Variants in PCDHA11 observed in about 807,000 individuals in gnomAD.
The protein encoded by PCDHA11 is protocadherin alpha-11.
A neutral mutation model predicts 70.3 loss-of-function variants in PCDHA11; 61 were observed. That is an observed-to-expected ratio of 0.87 (90% confidence interval 0.71 to 1.07). The LOEUF is 1.07. PCDHA11 is among the 50% of genes least tolerant of loss of function. The pLI is 0.00. For synonymous variants in PCDHA11, 633 were observed against 555.1 expected, an observed-to-expected ratio of 1.14 and a Z score of -1.97; for missense variants, 1,324 against 1,237.5, an observed-to-expected ratio of 1.07 and a Z score of -1.05.
rs201652283 is a variant in PCDHA11, at chr5:141,009,916, G to A, written c.2829G>A (p.Thr943=). The A allele has an allele frequency of 4.3e-6, 7 of 1,611,506 alleles. No homozygotes were observed. The highest frequency in any genetic ancestry group is 2.2e-5 in the East Asian group (1 of 44,862). ...TQEKKEKGNS[T]TDNSDQ is the part of the protein sequence containing the mutation. The stretch of plus-strand genomic sequence containing the variant: ...AGAAAAAAGAGAAAGGGAACAGCAC[G>A]ACTGACAACAGTGACCAGTGAGGTC... Residue 943 remains threonine (T), a synonymous_variant, in exon 4 of 4, where the codon ACG becomes ACA. Coordinates refer to ENST00000398640, the MANE Select transcript of PCDHA11 (RefSeq NM_018902.5).
At chr5:140,926,373 G>T (rs1040164585) in intron 1 of PCDHA11, 1 of 152,370 alleles carries the variant, frequency 6.6e-6, no homozygotes, top group African/African-American at 2.4e-5. Flanking sequence ...GGCAGGAAGA[G>T]CCCAGCTGGG....
At position 140,869,205 on chromosome 5, in the gene PCDHA11, C is replaced by T. The variant is rs782278064; in HGVS notation, c.102C>T (p.Ser34=). Reference sequence around the variant, plus strand: ...TGGGGAGCGGCCAGCTCCACTACTCCGTCTCGGAGGAGGCCAAACACGGCA... The same window carrying T: ...TGGGGAGCGGCCAGCTCCACTACTCTGTCTCGGAGGAGGCCAAACACGGCA... The part of the protein sequence containing the change: ...WEVGSGQLHY[S]VSEEAKHGTF... Residue 34 remains serine (S), a synonymous_variant, in exon 1 of 4, where the codon TCC becomes TCT. Transcript: ENST00000398640. 6.2e-7 allele frequency: 1 copy of T among 1,613,994 alleles called. No homozygotes were observed. The highest frequency in any genetic ancestry group is 8.5e-7 in the Non-Finnish European group (1 of 1,179,948).
intron 3 of PCDHA11, among the ~76,000 whole-genome samples, chr5:140,982,945 G>A (rs2097017253): frequency 6.6e-6 from 1 of 151,722 alleles, no homozygotes; most frequent in Non-Finnish European, 1.5e-5. Flanking sequence ...TTTGGTTGAA[G>A]ACTATGGAAA....
chr5:140,893,689 A>T (rs999117899), intron 1 of PCDHA11, among the ~76,000 whole-genome samples: 1 of 152,192 alleles, frequency 6.6e-6, no homozygotes, highest in Admixed American at 6.5e-5. Flanking sequence ...ATATCATCTC[A>T]TTCTATCCTA....
At chr5:140,895,653 A>G (rs1247218282) in intron 1 of PCDHA11, among the ~76,000 whole-genome samples, 1 of 152,150 alleles carries the variant, frequency 6.6e-6, no homozygotes, top group Non-Finnish European at 1.5e-5. Flanking sequence ...GCTCCCACTT[A>G]TAAGTGAGAA....
intron 1 of PCDHA11, chr5:140,927,089 T>G: frequency 6.2e-7 from 1 of 1,612,460 alleles, no homozygotes; most frequent in Non-Finnish European, 8.5e-7. Flanking sequence ...GAGCTCTACT[T>G]CGGGGTGGAT....
chr5:140,921,716 A>C (rs1554200396), intron 1 of PCDHA11, among the ~76,000 whole-genome samples: 1 of 152,202 alleles, frequency 6.6e-6, no homozygotes, highest in Non-Finnish European at 1.5e-5. Context: ...TAAACACACG[A>C]ATTACTCCCA....
intron 3 of PCDHA11, among the ~76,000 whole-genome samples, chr5:141,005,129 C>T (rs1554259896): frequency 6.6e-6 from 1 of 152,180 alleles, no homozygotes; most frequent in African/African-American, 2.4e-5. Context: ...CCAAAAGTGC[C>T]TCATTGGAGA....
At chr5:140,926,749 G>C (rs541261946) in intron 1 of PCDHA11, 4 of 1,237,260 alleles carry the variant, frequency 3.2e-6, no homozygotes, top group Non-Finnish European at 3.1e-6. Context: ...CAACGTCGGC[G>C]GTCGCTGAGT....
At chr5:140,942,311 G>A (rs781987580) in intron 1 of PCDHA11, among the ~76,000 whole-genome samples, 1 of 152,004 alleles carries the variant, frequency 6.6e-6, no homozygotes, top group Non-Finnish European at 1.5e-5. Flanking sequence ...TTGGGAGGTC[G>A]AGGCACAAGA....
intron 1 of PCDHA11, among the ~76,000 whole-genome samples, chr5:140,899,982 A>T (rs185115696): frequency 3.3e-4 from 49 of 150,716 alleles, no homozygotes; most frequent in African/African-American, 1.1e-3. Flanking sequence ...TACTTTTTTG[A>T]TTTTTTTTGT....
At position 140,928,315 on chromosome 5, in the gene PCDHA11, G is replaced by A. The variant is rs535660713; in HGVS notation, c.2392-50634G>A. On this transcript the variant is annotated intron_variant, in intron 1 of 3. Coordinates refer to ENST00000398640, the MANE Select transcript of PCDHA11 (RefSeq NM_018902.5). ...AGTGTTTGCCCAGGACCCCGACCTG[G>A]GGAAGAATGGCCTTGTCTCTTATGA... The A allele has an allele frequency of 1.3e-4, 210 of 1,614,054 alleles. No homozygotes were observed. Among genetic ancestry groups the A allele is most frequent in the Non-Finnish European group, 1.7e-4 (203 of 1,180,048 alleles).
At chr5:140,927,158 C>G in intron 1 of PCDHA11, 1 of 1,614,166 alleles carries the variant, frequency 6.2e-7, no homozygotes, top group Non-Finnish European at 8.5e-7. Context: ...CTGTGCAGGG[C>G]CAAAGCTGCC....
At chr5:140,883,528 C>T in intron 1 of PCDHA11, 1 of 1,614,248 alleles carries the variant, frequency 6.2e-7, no homozygotes, top group South Asian at 1.1e-5. Flanking sequence ...GCGTATCAGC[C>T]TATGAACTGG....
At chr5:140,985,086 T>C (rs564487119) in intron 3 of PCDHA11, among the ~76,000 whole-genome samples, 1 of 152,000 alleles carries the variant, frequency 6.6e-6, no homozygotes, top group Non-Finnish European at 1.5e-5. Context: ...TACAGGCGTG[T>C]GCCACCAAGC....
rs552289184 is a variant in PCDHA11, at chr5:140,942,884, T to C, written c.2392-36065T>C. 7.9e-5 allele frequency among the ~76,000 whole-genome samples: 12 copies of C among 152,178 alleles called. No individual in the cohort carries two copies. In the East Asian group the frequency reaches 2.3e-3, roughly 29 times the overall value. ...TGCTTTAGCATGACAACTTTTTTCC[T>C]AAAATTTATCTCTAAGAATAAGCGT... On this transcript the variant is annotated intron_variant, in intron 1 of 3. Transcript: ENST00000398640.
intron 1 of PCDHA11, among the ~76,000 whole-genome samples, chr5:140,936,386 A>C (rs1321919652): frequency 6.6e-6 from 1 of 152,190 alleles, no homozygotes; most frequent in African/African-American, 2.4e-5. Context: ...GTGGCTAGTG[A>C]AACTGGGCTA....
intron 3 of PCDHA11, among the ~76,000 whole-genome samples, chr5:141,008,739 C>A (rs1554261919): frequency 1.3e-5 from 2 of 152,166 alleles, no homozygotes; most frequent in Non-Finnish European, 2.9e-5. Context: ...AGACTGTGAG[C>A]ACACTGAGGG....
At chr5:140,909,747 G>T (rs1554193902) in intron 1 of PCDHA11, among the ~76,000 whole-genome samples, 1 of 152,146 alleles carries the variant, frequency 6.6e-6, no homozygotes, top group East Asian at 1.9e-4. Context: ...CTGGGGAAAT[G>T]ACCACAGGAT....
Sources: allele counts gnomAD v4.1 joint callset (sites outside exome capture counted in the v4.1 genomes callset), GRCh38; gene constraint gnomAD v4.1.1; transcripts MANE v1.5; gene names NCBI Gene and HGNC (gene_info 2026-07-23, HGNC 2026-07-21).